PARD3B: variants seen among roughly 807,000 people sequenced by gnomAD.
PARD3B encodes par-3 family cell polarity regulator beta.
A neutral mutation model predicts 130.2 loss-of-function variants in PARD3B; 103 were observed. That is an observed-to-expected ratio of 0.79 (90% CI 0.67 to 0.93). PARD3B has a LOEUF of 0.93. Among genes scored for constraint, PARD3B ranks in the 40% least tolerant of loss-of-function variants. PARD3B has a pLI of 0.00. For missense variants in PARD3B, 1,609 were observed against 1,499.2 expected, an observed-to-expected ratio of 1.07 and a Z score of -1.21; for synonymous variants, 583 against 553.2, an observed-to-expected ratio of 1.05 and a Z score of -0.76.
At chr2:205,409,510 A>G (rs1229550623) in intron 19 of PARD3B, among the ~76,000 whole-genome samples, 1 of 152,200 alleles carries the variant, frequency 6.6e-6, no homozygotes, top group Non-Finnish European at 1.5e-5. Flanking sequence ...CTGTATTTCT[A>G]TAGACCAGAG....
chr2:205,031,402 GC>G (rs1481005562), intron 3 of PARD3B, among the ~76,000 whole-genome samples: 1 of 152,070 alleles, frequency 6.6e-6, no homozygotes, highest in Non-Finnish European at 1.5e-5. Flanking sequence ...ATAGCACTGT[GC>G]ATTGGTTTGC....
chr2:205,022,369 A>C (rs2125335770), intron 3 of PARD3B, among the ~76,000 whole-genome samples: 1 of 152,332 alleles, frequency 6.6e-6, no homozygotes, highest in East Asian at 1.9e-4. Context: ...GATCTTTAGA[A>C]ATGTATTTTA....
intron 4 of PARD3B, among the ~76,000 whole-genome samples, chr2:205,082,317 T>C (rs1198027907): frequency 1.3e-5 from 2 of 152,154 alleles, no homozygotes; most frequent in East Asian, 1.9e-4. Flanking sequence ...AACTCTATAG[T>C]ATACTCACAC....
At chr2:205,350,218 C>T (rs899924943) in intron 18 of PARD3B, among the ~76,000 whole-genome samples, 1 of 152,100 alleles carries the variant, frequency 6.6e-6, no homozygotes, top group African/African-American at 2.4e-5. Flanking sequence ...TTTGAAGAGC[C>T]TCTCAGGTAT....
chr2:205,157,539 C>T (rs2034253375), intron 10 of PARD3B, among the ~76,000 whole-genome samples: 1 of 152,096 alleles, frequency 6.6e-6, no homozygotes, highest in Admixed American at 6.6e-5. Context: ...TGGCTGTGAT[C>T]CGACCTCTTA....
intron 2 of PARD3B, among the ~76,000 whole-genome samples, chr2:204,837,449 C>G (rs957085385): frequency 2.2e-5 from 3 of 138,530 alleles, no homozygotes. Context: ...GAGACAGATT[C>G]TTACTCTGTT....
At chr2:205,347,269 A>G (rs1415229686) in intron 18 of PARD3B, among the ~76,000 whole-genome samples, 2 of 152,188 alleles carry the variant, frequency 1.3e-5, no homozygotes, top group African/African-American at 4.8e-5. Context: ...GGTCCAACTC[A>G]AGATGATCAG....
chr2:205,235,914 A>T (rs2039041770), intron 15 of PARD3B, among the ~76,000 whole-genome samples: 2 of 152,224 alleles, frequency 1.3e-5, no homozygotes, highest in Admixed American at 1.3e-4. Flanking sequence ...TGGTAAAGTC[A>T]TAGAAACCAA....
At chr2:205,273,379 A>G (rs1174437396) in intron 16 of PARD3B, among the ~76,000 whole-genome samples, 1 of 151,980 alleles carries the variant, frequency 6.6e-6, no homozygotes, top group Non-Finnish European at 1.5e-5. Context: ...TGTGAATTCC[A>G]CTCCTTCACC....
At position 205,301,857 on chromosome 2, in the gene PARD3B, G is replaced by T; in HGVS notation, c.2630+156G>T. The stretch of plus-strand genomic sequence containing the variant: ...CTGTGCTCGTTCTCTTTCTGCAGAG[G>T]CAGAGGAGCTTTTTGGGGAAAGTTA... On this transcript the variant is annotated intron_variant, in intron 18 of 22. Coordinates refer to ENST00000406610, the MANE Select transcript of PARD3B (RefSeq NM_001302769.2). The surrounding 1 kb of genome is among the most constrained non-coding windows in gnomAD (Gnocchi z 5.2). 8.4e-7 allele frequency: 1 copy of T among 1,197,360 alleles called. No homozygotes were observed. The allele number at this position is 1,197,360 out of a possible 1,614,324, so 74.2% of individuals were successfully genotyped here.
Position 204,677,105 on chromosome 2 carries a change from T to C in PARD3B, c.121-9076T>C, listed in dbSNP as rs1414319034. Among the ~76,000 whole-genome samples the C allele has an allele frequency of 2.0e-5, 3 of 152,200 alleles. No homozygotes were observed. The highest frequency in any genetic ancestry group is 6.5e-5 in the Admixed American group (1 of 15,284). On this transcript the variant is annotated intron_variant, in intron 1 of 22. Coordinates refer to ENST00000406610, the MANE Select transcript of PARD3B (RefSeq NM_001302769.2). This position sits in a 1 kb window ranked among gnomAD's most constrained non-coding sequence, Gnocchi z 4.1. Reference sequence around the variant, plus strand: ...GCTTTTAGTTGGATTGGAGATCTCCTATGGTCATTTAACTCTCTGCTGTTA... The same window carrying C: ...GCTTTTAGTTGGATTGGAGATCTCCCATGGTCATTTAACTCTCTGCTGTTA...
intron 4 of PARD3B, among the ~76,000 whole-genome samples, chr2:205,088,351 T>C (rs1423865339): frequency 1.3e-5 from 2 of 152,190 alleles, no homozygotes; most frequent in African/African-American, 4.8e-5. Flanking sequence ...ATGAGCACAT[T>C]GAGGATTGAA....
At position 205,148,734 on chromosome 2, in the gene PARD3B, T is replaced by A. The variant is rs116238263; in HGVS notation, c.1435-9988T>A. On this transcript the variant is annotated intron_variant, in intron 10 of 22. Coordinates refer to ENST00000406610, the MANE Select transcript of PARD3B (RefSeq NM_001302769.2). ...TATATTTTAAAAGTTATTCTTTTTT[T>A]AAAAAAAAAAAGCTCTTTTGTTTGA... Among the ~76,000 whole-genome samples, 709 of 148,054 alleles carry A rather than the reference T, an allele frequency of 4.8e-3. 2 individuals are homozygous for A. The highest frequency in any genetic ancestry group is 0.012 in the African/African-American group (471 of 40,718).
intron 2 of PARD3B, among the ~76,000 whole-genome samples, chr2:204,804,941 C>T (rs998198154): frequency 2.0e-5 from 3 of 151,690 alleles, no homozygotes; most frequent in African/African-American, 7.3e-5. Context: ...GTAAACAGAA[C>T]ATACCAAAAC....
intron 2 of PARD3B, among the ~76,000 whole-genome samples, chr2:204,691,714 T>C (rs1214321940): frequency 2.6e-5 from 4 of 152,128 alleles, no homozygotes; most frequent in African/African-American, 9.7e-5. Flanking sequence ...ACAGTATTTT[T>C]AATGTAGGTG....
At chr2:204,745,603 A>G (rs2040187192) in intron 2 of PARD3B, among the ~76,000 whole-genome samples, 1 of 151,996 alleles carries the variant, frequency 6.6e-6, no homozygotes, top group African/African-American at 2.4e-5. Context: ...AGGTTTCACC[A>G]TATTGGCCAG....
chr2:205,489,569 C>T (rs974554275), intron 20 of PARD3B, among the ~76,000 whole-genome samples: 35 of 133,758 alleles, frequency 2.6e-4, no homozygotes, highest in Admixed American at 4.6e-4. Flanking sequence ...CATATATATA[C>T]ACACACACAC....
chr2:205,139,730 G>T (rs929743820), intron 10 of PARD3B, among the ~76,000 whole-genome samples: 1 of 150,824 alleles, frequency 6.6e-6, no homozygotes, highest in Non-Finnish European at 1.5e-5. Context: ...GAGTATGATT[G>T]TAAAAAAAAA....
In PARD3B at chr2:205,491,950, G is replaced by A. The variant is rs114673134; in HGVS notation, c.3045-7946G>A. ...GCAGTTCAGGATTATAGTCTGAGCT[G>A]ATGTATTATTGTGATTTTCAGGTTT... On this transcript the variant is annotated intron_variant, in intron 20 of 22. Transcript: ENST00000406610. 6.0e-3 allele frequency among the ~76,000 whole-genome samples: 920 copies of A among 152,276 alleles called. 11 individuals are homozygous for A. Among genetic ancestry groups the A allele is most frequent in the African/African-American group, 0.021 (877 of 41,572 alleles).
Sources: gnomAD v4.1 joint callset for allele counts (sites outside exome capture counted in the v4.1 genomes callset) on GRCh38, gnomAD v4.1.1 for gene constraint, Gnocchi (gnomAD v3.1) non-coding constraint, MANE v1.5 for transcripts, NCBI Gene and HGNC (gene_info 2026-07-23, HGNC 2026-07-21) for gene names.